The following CIITA variants were observed in gnomAD, a reference collection of about 807,000 sequenced individuals.
The protein encoded by CIITA is MHC class II transactivator.
CIITA carries 72 observed loss-of-function variants against 115.1 expected under a neutral mutation model. That is an observed-to-expected ratio of 0.63 (90% CI 0.52 to 0.76). CIITA has a LOEUF of 0.76. Ranked by LOEUF, CIITA falls within the 30% of genes least tolerant of loss-of-function variation. The pLI, the probability that CIITA is intolerant of heterozygous loss-of-function variation, is 0.00. For synonymous variants in CIITA, 763 were observed against 635.6 expected (o/e 1.20, Z -3.02); for missense variants, 1,617 against 1,463.8 (o/e 1.10, Z -1.71).
rs753947944 is a variant in CIITA, at chr16:10,922,187, G to A, written c.3170G>A (p.Cys1057Tyr). The part of the protein sequence containing the change: ...LRLSLYNNCI[C>Y]DVGAESLARV... Reference sequence around the variant, plus strand: ...GACAGCTTGTACAATAACTGCATCTGCGACGTGGGAGCCGAGAGCTTGGCT... The same window carrying A: ...GACAGCTTGTACAATAACTGCATCTACGACGTGGGAGCCGAGAGCTTGGCT... The change falls in exon 17 of 20, where the codon TGC becomes TAC. Residue 1057 changes from cysteine to tyrosine, a missense_variant. Coordinates refer to ENST00000324288, the MANE Select transcript of CIITA (RefSeq NM_000246.4). 6 of 1,614,228 alleles carry A rather than the reference G, an allele frequency of 3.7e-6. No individual in the cohort carries two copies. In the East Asian group the frequency reaches 6.7e-5, roughly 18 times the overall value.
At chr16:10,918,082 C>T (rs1478385205) in intron 15 of CIITA, among the ~76,000 whole-genome samples, 1 of 152,240 alleles carries the variant, frequency 6.6e-6, no homozygotes, top group Non-Finnish European at 1.5e-5. Context: ...GCAAAACAGA[C>T]ACAGCCCTGC....
chr16:10,915,346 A>C (rs2039877345), intron 13 of CIITA, among the ~76,000 whole-genome samples: 1 of 152,080 alleles, frequency 6.6e-6, no homozygotes, highest in African/African-American at 2.4e-5. Flanking sequence ...CACTGTTCCC[A>C]GCCTCAACTG....
At chr16:10,881,214 G>A (rs1355200229) in intron 1 of CIITA, among the ~76,000 whole-genome samples, 1 of 151,928 alleles carries the variant, frequency 6.6e-6, no homozygotes, top group Non-Finnish European at 1.5e-5. Context: ...AAGAGGCGGA[G>A]TTTACCCGAG....
intron 16 of CIITA, among the ~76,000 whole-genome samples, chr16:10,919,806 T>C (rs2040174647): frequency 6.6e-6 from 1 of 152,208 alleles, no homozygotes; most frequent in Admixed American, 6.5e-5. Context: ...GATACAAGTA[T>C]GAACTAGACA....
rs967130228 is a variant in CIITA, at chr16:10,901,951, G to C, written c.482-87G>C. 5.8e-6 allele frequency: 9 copies of C among 1,548,406 alleles called. No individual in the cohort carries two copies. Among genetic ancestry groups the C allele is most frequent in the Non-Finnish European group, 8.0e-6 (9 of 1,127,650 alleles). On this transcript the variant is annotated intron_variant, in intron 6 of 19. Coordinates refer to ENST00000324288, the MANE Select transcript of CIITA (RefSeq NM_000246.4). The surrounding 1 kb of genome is among the most constrained non-coding windows in gnomAD (Gnocchi z 6.8). ...ATGACAAGCATTTCCTCTGTCAGGA[G>C]AGACATCCATGCCACTCCAGGGCCC...
At chr16:10,878,304 G>A (rs1336151883) in intron 1 of CIITA, among the ~76,000 whole-genome samples, 1 of 152,100 alleles carries the variant, frequency 6.6e-6, no homozygotes, top group South Asian at 2.1e-4. Context: ...AGTGTTGGAG[G>A]GGGAGAAGTC....
chr16:10,874,016 T>C (rs1458045247), upstream of CIITA, among the ~76,000 whole-genome samples: 1 of 152,224 alleles, frequency 6.6e-6, no homozygotes, highest in Non-Finnish European at 1.5e-5. Context: ...AGTCTCGCTC[T>C]GAAGCCCAGG....
rs947063780 is a variant in CIITA at position 10,935,660 on chromosome 16, G to C, written c.*11805G>C. ...ACACCACCTTCACCAACTGATCAAAGTTAACATCGCCAGAAAGGGGACAGA... is the reference window on the plus strand; with the variant it reads ...ACACCACCTTCACCAACTGATCAAACTTAACATCGCCAGAAAGGGGACAGA... On this transcript the variant is annotated 3_prime_UTR_variant, in exon 20 of 20. Transcript: ENST00000324288. 7.9e-5 allele frequency: 12 copies of C among 152,206 alleles called. No individual in the cohort carries two copies. The highest frequency in any genetic ancestry group is 1.8e-4 in the Non-Finnish European group (12 of 68,038). 9.4% of individuals were successfully genotyped at this position (152,206 alleles called of 1,614,324 possible).
At position 10,927,077 on chromosome 16, in the gene CIITA, G is replaced by A. The variant is rs569976108; in HGVS notation, c.*3222G>A. 1 of 152,334 alleles carries A rather than the reference G, an allele frequency of 6.6e-6. No homozygotes were observed. The highest frequency in any genetic ancestry group is 1.9e-4 in the East Asian group (1 of 5,188). 9.4% of individuals were successfully genotyped at this position (152,334 alleles called of 1,614,324 possible). ...GCCTCAGTCTCCTCATTTGTAAAATGGGCATAACCACAGCACCTTCTTTAT... is the reference window on the plus strand; with the variant it reads ...GCCTCAGTCTCCTCATTTGTAAAATAGGCATAACCACAGCACCTTCTTTAT... On this transcript the variant is annotated 3_prime_UTR_variant, in exon 20 of 20. Coordinates refer to ENST00000324288, the MANE Select transcript of CIITA (RefSeq NM_000246.4).
At position 10,920,911 on chromosome 16, in the gene CIITA, CTT is replaced by C. The variant is rs1298061589; in HGVS notation, c.3150-1255_3150-1254del. 6.6e-6 allele frequency among the ~76,000 whole-genome samples: 1 copy of C among 152,016 alleles called. No homozygotes were observed. The highest frequency in any genetic ancestry group is 2.4e-5 in the African/African-American group (1 of 41,372). ...TTTTTTTTCGAGACAGAGTTTCGCTCTTGTTGCCAAGGCTGGAGTGCAGTCTC... is the reference window on the plus strand; with the variant it reads ...TTTTTTTTCGAGACAGAGTTTCGCTCGTTGCCAAGGCTGGAGTGCAGTCTC... On this transcript the variant is annotated intron_variant, in intron 16 of 19. Transcript: ENST00000324288. The surrounding 1 kb of genome is among the most constrained non-coding windows in gnomAD (Gnocchi z 4.5).
At chr16:10,895,847 T>C (rs1249174275) in intron 3 of CIITA, 83 bp downstream of exon 3, 11 of 1,323,536 alleles carry the variant, frequency 8.3e-6, no homozygotes, top group Non-Finnish European at 1.1e-5. Context: ...CCATTCATCA[T>C]GAGCCACGTC....
At position 10,902,056 on chromosome 16, in the gene CIITA, T is replaced by C. The variant is rs776507331; in HGVS notation, c.500T>C (p.Val167Ala). Residue 167 changes from valine (V) to alanine (A), a missense_variant, in exon 7 of 20, where the codon GTG (valine) becomes GCG (alanine). Coordinates refer to ENST00000324288, the MANE Select transcript of CIITA (RefSeq NM_000246.4). ...HWKPAEPPTV[V>A]TGSLLVGPVS... ...CTCACAGCTGAGCCCCCCACTGTGG[T>C]GACTGGCAGTCTCCTAGTGGGACCA... is the stretch of plus-strand genomic sequence containing the variant. 1.2e-6 allele frequency: 2 copies of C among 1,613,974 alleles called. No individual in the cohort carries two copies. Among genetic ancestry groups the C allele is most frequent in the Non-Finnish European group, 8.5e-7 (1 of 1,180,024 alleles).
chr16:10,904,004 G>A, intron 9 of CIITA, 109 bp downstream of exon 9: 1 of 1,458,572 alleles, frequency 6.9e-7, no homozygotes, highest in Admixed American at 1.7e-5. Flanking sequence ...GGGACAACAG[G>A]TCATGTTTAG....
intron 18 of CIITA, chr16:10,922,847 T>G (rs2040348508): frequency 2.0e-6 from 1 of 495,348 alleles, no homozygotes; most frequent in East Asian, 3.7e-5. Flanking sequence ...AGGTTTATCT[T>G]TTATTAAGTC....
intron 14 of CIITA, 28 bp from the exon 15 acceptor site, chr16:10,916,339 G>T (rs372539566): frequency 1.2e-5 from 19 of 1,609,518 alleles, no homozygotes; most frequent in Admixed American, 3.3e-5. Flanking sequence ...GACGCTAGCT[G>T]ATGGCCCCCA....
At chr16:10,899,590 C>T (rs2038501349) in intron 5 of CIITA, among the ~76,000 whole-genome samples, 1 of 152,154 alleles carries the variant, frequency 6.6e-6, no homozygotes, top group Non-Finnish European at 1.5e-5. Context: ...TGACTGTTTC[C>T]CCAGCATCTA....
rs994377738 is a variant in CIITA, at chr16:10,908,465, C to T, written c.2657+316C>T. On this transcript the variant is annotated intron_variant, in intron 11 of 19. Coordinates refer to ENST00000324288, the MANE Select transcript of CIITA (RefSeq NM_000246.4). ...TTTTATTCTTTCCACCCCCTGAGCA[C>T]GCCACCGTTTTCTTATGCTAAGAGT... 21 of 485,116 alleles carry T rather than the reference C, an allele frequency of 4.3e-5. 1 individual carries two copies. The highest frequency in any genetic ancestry group is 1.6e-4 in the Admixed American group (5 of 31,442). 30.1% of individuals were successfully genotyped at this position (485,116 alleles called of 1,614,324 possible).
At position 10,933,086 on chromosome 16, in the gene CIITA, T is replaced by C. The variant is rs2040868386; in HGVS notation, c.*9231T>C. ...TTATAGAACCCAGGGCAGCAGGTTC[T>C]CCAACCTTCTGACATCATCAGAGCA... On this transcript the variant is annotated 3_prime_UTR_variant, in exon 20 of 20. Transcript: ENST00000324288. 6.6e-6 allele frequency: 1 copy of C among 152,160 alleles called. No homozygotes were observed. Among genetic ancestry groups the C allele is most frequent in the Non-Finnish European group, 1.5e-5 (1 of 68,050 alleles). The allele number at this position is 152,160 out of a possible 1,614,324, so 9.4% of individuals were successfully genotyped here.
chr16:10,922,675 A>G (rs2040339360), intron 18 of CIITA, among the ~76,000 whole-genome samples, 185 bp downstream of exon 18: 1 of 152,230 alleles, frequency 6.6e-6, no homozygotes, highest in South Asian at 2.1e-4. Context: ...TATCCACCCA[A>G]GAGGTTTTGT....
Sources: gnomAD v4.1 joint callset for allele counts (sites outside exome capture counted in the v4.1 genomes callset) on GRCh38, gnomAD v4.1.1 for gene constraint, Gnocchi (gnomAD v3.1) non-coding constraint, MANE v1.5 for transcripts, NCBI Gene and HGNC (gene_info 2026-07-23, HGNC 2026-07-21) for gene names.